The following RHOC variants were observed in gnomAD, a reference collection of about 807,000 sequenced individuals.
RHOC encodes ras homolog family member C.
RHOC carries 13 observed loss-of-function variants against 19.5 expected under a neutral mutation model. That is an observed-to-expected ratio of 0.67 (90% CI 0.43 to 1.06). The LOEUF is 1.06. Ranked by LOEUF, RHOC falls within the 50% of genes least tolerant of loss-of-function variation. RHOC has a pLI of 0.00. For missense variants in RHOC, 173 were observed against 256.9 expected (o/e 0.67, Z 2.23); for synonymous variants, 106 against 97.3 (o/e 1.09, Z -0.52).
rs781774167 is a variant in RHOC at position 112,705,102 on chromosome 1, C to G, written c.-10G>C. The G allele has an allele frequency of 4.3e-6, 3 of 702,470 alleles. No homozygotes were observed. The highest frequency in any genetic ancestry group is 7.8e-6 in the Non-Finnish European group (3 of 384,828). The allele number at this position is 702,470 out of a possible 1,614,324, so 43.5% of individuals were successfully genotyped here. On this transcript the variant is annotated splice_region_variant and 5_prime_UTR_variant, in exon 2 of 6. Coordinates refer to ENST00000339083, the MANE Select transcript of RHOC (RefSeq NM_175744.5). The stretch of plus-strand genomic sequence containing the variant: ...CTTCCCTGGGGAGGGGAACTGACCT[C>G]CAGCCGGCTGAAGTTCCCAGGCTGC...
chr1:112,702,435 C>T (rs923296179), intron 5 of RHOC, 128 bp downstream of exon 5: 14 of 1,016,442 alleles, frequency 1.4e-5, no homozygotes, highest in Non-Finnish European at 2.0e-5. Flanking sequence ...TGGGTCCTCC[C>T]TCACCAGGAG....
intron 1 of RHOC, chr1:112,706,066 G>A (rs903257437): frequency 1.0e-5 from 2 of 196,308 alleles, no homozygotes; most frequent in East Asian, 1.2e-4. Flanking sequence ...CAGCCCCAGA[G>A]GGACTGTCCC....
intron 1 of RHOC, among the ~76,000 whole-genome samples, chr1:112,706,480 A>ACCCCCC (rs1557780720): frequency 1.4e-4 from 1 of 7,396 alleles, no homozygotes; most frequent in African/African-American, 4.1e-4. Context: ...ACACACACAC[A>ACCCCCC]CACACACACA....
chr1:112,704,910 C>G, intron 2 of RHOC, 190 bp downstream of exon 2: 1 of 600,850 alleles, frequency 1.7e-6, no homozygotes, highest in East Asian at 2.8e-5. Context: ...CACTCTGGAA[C>G]AGCCCCTTCC....
chr1:112,706,882 C>G (rs3806442), intron 1 of RHOC, 196 bp downstream of exon 1: 1 of 151,876 alleles, frequency 6.6e-6, no homozygotes. Flanking sequence ...CTCGCTGCAG[C>G]CCGGGGAGGG....
Position 112,706,488 on chromosome 1 carries a change from A to AC in RHOC, c.-77+589dup, listed in dbSNP as rs1557780761. On this transcript the variant is annotated intron_variant, in intron 1 of 5. Coordinates refer to ENST00000339083, the MANE Select transcript of RHOC (RefSeq NM_175744.5). ...ACCACACACACACACACACACACAC[A>AC]CACACACACACACACACACACACAC... is the stretch of plus-strand genomic sequence containing the variant. 1.4e-3 allele frequency among the ~76,000 whole-genome samples: 37 copies of AC among 26,072 alleles called. 1 individual carries two copies. Among genetic ancestry groups the AC allele is most frequent in the Non-Finnish European group, 2.3e-3 (30 of 13,068 alleles). 17.1% of individuals were successfully genotyped at this position (26,072 alleles called of 152,430 possible). A position where few individuals can be genotyped will look rare whatever the true frequency, so the allele number is the denominator to read the frequency against.
chr1:112,702,803 G>A, intron 4 of RHOC, 110 bp from the exon 5 acceptor site: 1 of 1,471,340 alleles, frequency 6.8e-7, no homozygotes, highest in Non-Finnish European at 9.4e-7. Flanking sequence ...CAGCATGATG[G>A]TCCCTTTCAC....
At chr1:112,706,463 A>ACACACACACACACACACACC (rs1674869025) in intron 1 of RHOC, among the ~76,000 whole-genome samples, 1 of 8,186 alleles carries the variant, frequency 1.2e-4, no homozygotes. Flanking sequence ...ACACACACAC[A>ACACACACACACACACACACC]CCACACACAC....
At chr1:112,702,421 C>G (rs769368318) in intron 5 of RHOC, 142 bp downstream of exon 5, 2 of 856,588 alleles carry the variant, frequency 2.3e-6, no homozygotes, top group Non-Finnish European at 3.6e-6. Context: ...CAGACACAAC[C>G]CTATGGGTCC....
At chr1:112,705,950 T>C in intron 1 of RHOC, 1 of 308,700 alleles carries the variant, frequency 3.2e-6, no homozygotes, top group Non-Finnish European at 6.5e-6. Flanking sequence ...TCCAGCCCAA[T>C]TAGAAGACTT....
rs757975795 is a variant in RHOC at position 112,701,529 on chromosome 1, C to T, written c.*11G>A. On this transcript the variant is annotated 3_prime_UTR_variant, in exon 6 of 6. Coordinates refer to ENST00000339083, the MANE Select transcript of RHOC (RefSeq NM_175744.5). ...GAAGGGAGGGGGCATGTAGGAAAGG[C>T]CTTGGGGATCTCAGAGAATGGGACA... 1.2e-6 allele frequency: 2 copies of T among 1,614,098 alleles called. No individual in the cohort carries two copies. Among genetic ancestry groups the T allele is most frequent in the Middle Eastern group, 1.6e-4 (1 of 6,062 alleles).
chr1:112,706,487 CACACACA>C (rs1674882953), intron 1 of RHOC, among the ~76,000 whole-genome samples: 2 of 25,192 alleles, frequency 7.9e-5, no homozygotes, highest in Admixed American at 5.8e-4. Flanking sequence ...CACACACACA[CACACACA>C]CACACACACA....
At chr1:112,702,278 A>G (rs896388022) in intron 5 of RHOC, among the ~76,000 whole-genome samples, 14 of 152,164 alleles carry the variant, frequency 9.2e-5, no homozygotes, top group Admixed American at 6.5e-5. Flanking sequence ...CAAGTGAAAC[A>G]TAAGCTGTCT....
At chr1:112,705,870 C>T (rs1433161191) in intron 1 of RHOC, 6 of 351,388 alleles carry the variant, frequency 1.7e-5, no homozygotes, top group East Asian at 7.4e-5. Flanking sequence ...GTAATTCAGA[C>T]GGCACCAGAG....
In RHOC at chr1:112,702,675, C is replaced by G; in HGVS notation, c.296G>C (p.Trp99Ser). 6.2e-7 allele frequency: 1 copy of G among 1,614,148 alleles called. No homozygotes were observed. The highest frequency in any genetic ancestry group is 8.5e-7 in the Non-Finnish European group (1 of 1,179,998). The change falls in exon 5 of 6, where the codon TGG becomes TCG. Residue 99 changes from tryptophan to serine, a missense_variant. Coordinates refer to ENST00000339083, the MANE Select transcript of RHOC (RefSeq NM_175744.5). Reference protein sequence around the residue: ...PDSLENIPEKWTPEVKHFCPN... With the variant: ...PDSLENIPEKSTPEVKHFCPN... ...GCAGAAGTGCTTCACCTCTGGGGTC[C>G]ACTTCTCAGGAATGTTTTCTGTGTA... is the stretch of plus-strand genomic sequence containing the variant.
chr1:112,706,382 TGAA>T (rs1462047203), intron 1 of RHOC: 3 of 151,788 alleles, frequency 2.0e-5, no homozygotes, highest in African/African-American at 4.8e-5. Flanking sequence ...GGTTCGAGTA[TGAA>T]GAAGGAGGAT....
At chr1:112,703,581 G>T in intron 3 of RHOC, 63 bp downstream of exon 3, 1 of 1,319,976 alleles carries the variant, frequency 7.6e-7, no homozygotes, top group Non-Finnish European at 1.1e-6. Context: ...GGACATACTA[G>T]GTCATTCAGT....
At position 112,702,921 on chromosome 1, in the gene RHOC, T is replaced by TG. The variant is rs748825309; in HGVS notation, c.277+77dup. On this transcript the variant is annotated intron_variant, in intron 4 of 5. Coordinates refer to ENST00000339083, the MANE Select transcript of RHOC (RefSeq NM_175744.5). ...GCATCCCCACCCCCACCTCTGAAGATGACTGAAGACAGGCCAAGGCACGAG... is the reference window on the plus strand; with the variant it reads ...GCATCCCCACCCCCACCTCTGAAGATGGACTGAAGACAGGCCAAGGCACGAG... 7.9e-6 allele frequency: 10 copies of TG among 1,260,894 alleles called. No individual in the cohort carries two copies. The East Asian group carries it at 2.4e-4, about 30-fold the overall frequency. The allele number at this position is 1,260,894 out of a possible 1,614,324, so 78.1% of individuals were successfully genotyped here.
intron 1 of RHOC, 153 bp from the exon 2 acceptor site, chr1:112,705,321 G>GT (rs1380561972): frequency 1.6e-6 from 1 of 633,890 alleles, no homozygotes; most frequent in Non-Finnish European, 2.9e-6. Flanking sequence ...TTTTCTCTCA[G>GT]TCCCACATCC....
Sources: gnomAD v4.1 joint callset for allele counts (sites outside exome capture counted in the v4.1 genomes callset) on GRCh38, gnomAD v4.1.1 for gene constraint, MANE v1.5 for transcripts, NCBI Gene and HGNC (gene_info 2026-07-23, HGNC 2026-07-21) for gene names.